The following NKAIN2 variants were observed in gnomAD, a reference collection of about 807,000 sequenced individuals.
The protein encoded by NKAIN2 is sodium/potassium-transporting ATPase subunit beta-1-interacting protein 2.
A neutral mutation model predicts 32.6 loss-of-function variants in NKAIN2; 14 were observed. The ratio of observed to expected loss-of-function variants is 0.43; its 90% confidence interval spans 0.28 to 0.67. The LOEUF is 0.67. Ranked by LOEUF, NKAIN2 falls within the 30% of genes least tolerant of loss-of-function variation. The pLI is 0.17. For synonymous variants in NKAIN2, 80 were observed against 87.2 expected, an observed-to-expected ratio of 0.92 and a Z score of 0.46; for missense variants, 198 against 258.3, an observed-to-expected ratio of 0.77 and a Z score of 1.60.
chr6:124,205,435 C>T (rs1790822289), intron 1 of NKAIN2, among the ~76,000 whole-genome samples: 1 of 151,536 alleles, frequency 6.6e-6, no homozygotes, highest in African/African-American at 2.4e-5. Flanking sequence ...ACCTGTCTTC[C>T]TCATGCATTT....
chr6:124,239,170 T>C (rs1205670823), intron 1 of NKAIN2, among the ~76,000 whole-genome samples: 1 of 152,138 alleles, frequency 6.6e-6, no homozygotes, highest in African/African-American at 2.4e-5. Context: ...CATTACATAA[T>C]GATAAAGTAT....
chr6:124,332,712 A>G (rs978962418), intron 2 of NKAIN2, among the ~76,000 whole-genome samples: 2 of 152,234 alleles, frequency 1.3e-5, no homozygotes, highest in Admixed American at 6.5e-5. Context: ...TATTTCCAAT[A>G]AAAATGATTG....
chr6:124,160,529 G>A (rs1379224988), intron 1 of NKAIN2, among the ~76,000 whole-genome samples: 1 of 151,990 alleles, frequency 6.6e-6, no homozygotes, highest in African/African-American at 2.4e-5. Context: ...AAATTCATGT[G>A]CAAGTTAAAT....
chr6:124,353,310 G>C (rs887834835), intron 2 of NKAIN2, among the ~76,000 whole-genome samples: 4 of 152,114 alleles, frequency 2.6e-5, no homozygotes, highest in Non-Finnish European at 5.9e-5. Context: ...TATGAAATTA[G>C]GAGAAACAAA....
intron 3 of NKAIN2, among the ~76,000 whole-genome samples, chr6:124,394,046 C>A (rs1773254886): frequency 2.0e-5 from 3 of 152,114 alleles, no homozygotes; most frequent in Admixed American, 2.0e-4. Flanking sequence ...GCCCTAAGCA[C>A]CTAAGAGTGT....
intron 4 of NKAIN2, among the ~76,000 whole-genome samples, chr6:124,690,104 T>A (rs1774187144): frequency 6.6e-6 from 1 of 152,174 alleles, no homozygotes; most frequent in South Asian, 2.1e-4. Context: ...TTTCTCCATT[T>A]ATTTACTTCT....
intron 3 of NKAIN2, among the ~76,000 whole-genome samples, chr6:124,504,490 A>C (rs972675498): frequency 2.0e-5 from 3 of 151,788 alleles, no homozygotes; most frequent in African/African-American, 7.3e-5. Flanking sequence ...TTGAATACAA[A>C]TAGATAGTAG....
intron 3 of NKAIN2, among the ~76,000 whole-genome samples, chr6:124,513,818 T>C (rs1217871703): frequency 6.6e-6 from 1 of 152,194 alleles, no homozygotes; most frequent in Non-Finnish European, 1.5e-5. Context: ...GTGCTAATTC[T>C]ATATCCTTTA....
chr6:123,991,814 A>G (rs927214040), intron 1 of NKAIN2, among the ~76,000 whole-genome samples: 2 of 152,240 alleles, frequency 1.3e-5, no homozygotes, highest in South Asian at 4.1e-4. Context: ...GTGAGCTGAG[A>G]TCGCACCACT....
intron 1 of NKAIN2, among the ~76,000 whole-genome samples, chr6:124,024,271 G>T (rs1781004565): frequency 6.6e-6 from 1 of 152,094 alleles, no homozygotes; most frequent in South Asian, 2.1e-4. Context: ...CCCTCAGAAT[G>T]TTTAGTGGAC....
At chr6:124,336,455 C>A (rs1182456878) in intron 2 of NKAIN2, among the ~76,000 whole-genome samples, 1 of 152,066 alleles carries the variant, frequency 6.6e-6, no homozygotes, top group Non-Finnish European at 1.5e-5. Flanking sequence ...TGCCTAGTGC[C>A]TTTCTATGTG....
intron 5 of NKAIN2, chr6:124,794,708 G>A (rs1289096511): frequency 6.1e-6 from 1 of 164,042 alleles, no homozygotes; most frequent in Non-Finnish European, 1.3e-5. Flanking sequence ...TGTCTGTCCA[G>A]TTGTCTTTGG....
chr6:124,710,232 A>G (rs1012478113), intron 4 of NKAIN2, among the ~76,000 whole-genome samples: 2 of 151,934 alleles, frequency 1.3e-5, no homozygotes, highest in African/African-American at 4.8e-5. Context: ...ACATTTGCTG[A>G]GGAGAGCTTT....
intron 4 of NKAIN2, among the ~76,000 whole-genome samples, chr6:124,711,224 T>C (rs1454707669): frequency 8.5e-6 from 1 of 117,360 alleles, no homozygotes; most frequent in Admixed American, 8.8e-5. Context: ...GGGCTTCCCT[T>C]TGAGGGTAAC....
chr6:124,674,244 A>G (rs915472825), intron 4 of NKAIN2, among the ~76,000 whole-genome samples: 3 of 151,986 alleles, frequency 2.0e-5, no homozygotes, highest in Non-Finnish European at 2.9e-5. Context: ...TGCCAGTACC[A>G]TACTGTTTTG....
intron 1 of NKAIN2, among the ~76,000 whole-genome samples, chr6:124,199,326 G>A (rs561411884): frequency 6.6e-6 from 1 of 152,300 alleles, no homozygotes; most frequent in East Asian, 1.9e-4. Flanking sequence ...AAAGAATCAT[G>A]AAAGGTGAAT....
At chr6:124,230,891 A>C (rs1431319338) in intron 1 of NKAIN2, among the ~76,000 whole-genome samples, 1 of 152,168 alleles carries the variant, frequency 6.6e-6, no homozygotes, top group Admixed American at 6.5e-5. Context: ...CAGAGTCCCT[A>C]CTGGGGCACC....
intron 3 of NKAIN2, among the ~76,000 whole-genome samples, chr6:124,568,862 A>T (rs910243908): frequency 6.7e-6 from 1 of 148,618 alleles, no homozygotes; most frequent in African/African-American, 2.4e-5. Flanking sequence ...TGCCTGGAAA[A>T]TCTTTATTAG....
intron 1 of NKAIN2, among the ~76,000 whole-genome samples, chr6:124,276,013 C>T (rs1157163339): frequency 6.6e-6 from 1 of 151,932 alleles, no homozygotes; most frequent in Non-Finnish European, 1.5e-5. Flanking sequence ...GGTTAGAATT[C>T]AAACATGATT....
Sources: gnomAD v4.1 joint callset for allele counts (sites outside exome capture counted in the v4.1 genomes callset) on GRCh38, gnomAD v4.1.1 for gene constraint, MANE v1.5 for transcripts, NCBI Gene and HGNC (gene_info 2026-07-23, HGNC 2026-07-21) for gene names.